ATL2: variants seen among roughly 807,000 people sequenced by gnomAD.
The protein encoded by ATL2 is atlastin-2.
In ATL2, 31 loss-of-function variants were observed where a neutral mutation model predicts 73.9. That is an observed-to-expected ratio of 0.42 (90% CI 0.32 to 0.57). The LOEUF is 0.57. ATL2 is among the 20% of genes least tolerant of loss of function. The pLI, the probability that ATL2 is intolerant of heterozygous loss-of-function variation, is 0.14. For synonymous variants in ATL2, 291 were observed against 237.5 expected (o/e 1.23, Z -2.07); for missense variants, 738 against 702.6 (o/e 1.05, Z -0.57).
chr2:38,359,822 G>A (rs1276374221), intron 1 of ATL2, among the ~76,000 whole-genome samples: 1 of 151,906 alleles, frequency 6.6e-6, no homozygotes, highest in Non-Finnish European at 1.5e-5. Context: ...ATATGTAAGT[G>A]TACTTAAAAA....
chr2:38,296,438 G>T, intron 12 of ATL2: 1 of 1,562,932 alleles, frequency 6.4e-7, no homozygotes, highest in Non-Finnish European at 8.7e-7. Context: ...TCCTACATGT[G>T]TAAGTGTGAA....
chr2:38,338,480 T>G (rs1458179922), intron 2 of ATL2, among the ~76,000 whole-genome samples: 1 of 152,162 alleles, frequency 6.6e-6, no homozygotes, highest in Non-Finnish European at 1.5e-5. Flanking sequence ...TTTTTTAAAG[T>G]AAACACTTTG....
intron 2 of ATL2, 83 bp from the exon 3 acceptor site, chr2:38,319,102 A>C: frequency 7.0e-7 from 1 of 1,430,218 alleles, no homozygotes; most frequent in Non-Finnish European, 9.6e-7. Flanking sequence ...TTTATTTTAC[A>C]GATGGGGAAG....
intron 2 of ATL2, among the ~76,000 whole-genome samples, chr2:38,339,773 C>T (rs1669597351): frequency 6.6e-6 from 1 of 152,166 alleles, no homozygotes. Flanking sequence ...TCACTGCAAC[C>T]TCCACCTCCC....
chr2:38,343,489 G>A lies in ATL2; in HGVS notation c.142C>T (p.Leu48=), dbSNP rs769814313. 26 of 1,604,700 alleles carry A rather than the reference G, an allele frequency of 1.6e-5. No individual in the cohort carries two copies. The Admixed American group carries it at 3.6e-4, about 22-fold the overall frequency. The change falls in exon 2 of 13, where the codon CTA becomes TTA. Residue 48 remains leucine (L), a synonymous_variant. Transcript: ENST00000378954. The part of the protein sequence containing the change: ...SLGENYEDDD[L]VNSDEVMKKP... ...TTCATAACCTCATCAGAATTTACTA[G>A]GTCATCATCTTCATAATTCTCACCT...
chr2:38,363,925 G>GCT lies in ATL2; in HGVS notation c.118+13216_118+13217dup, dbSNP rs556277459. Among the ~76,000 whole-genome samples the GCT allele has an allele frequency of 4.8e-4, 73 of 152,298 alleles. 1 individual carries two copies. The highest frequency in any genetic ancestry group is 1.7e-3 in the African/African-American group (71 of 41,572). On this transcript the variant is annotated intron_variant, in intron 1 of 12. Transcript: ENST00000378954. ...TATCAATAAAGACATTCTGAAGACG[G>GCT]CTGCACCTCTTAAGCCCTGAGGATC...
intron 2 of ATL2, among the ~76,000 whole-genome samples, chr2:38,340,127 A>C (rs1219574333): frequency 7.5e-6 from 1 of 133,816 alleles, no homozygotes; most frequent in Non-Finnish European, 1.6e-5. Flanking sequence ...AAAAACAGTG[A>C]AATGAACCTG....
chr2:38,309,530 CAT>C (rs758211956), intron 8 of ATL2, 24 bp from the exon 9 acceptor site: 1 of 1,593,896 alleles, frequency 6.3e-7, no homozygotes, highest in East Asian at 2.2e-5. Flanking sequence ...AATTGAGCAA[CAT>C]ATTAGTCCAA....
rs1482061864 is a variant in ATL2 at position 38,294,651 on chromosome 2, AAAGAG to A, written c.*1338_*1342del. Among the ~76,000 whole-genome samples the A allele has an allele frequency of 1.4e-3, 213 of 151,786 alleles. No individual in the cohort carries two copies. Among genetic ancestry groups the A allele is most frequent in the Admixed American group, 2.3e-3 (35 of 15,274 alleles). ...CTTACATATACCACCAAAAAAAAAAAAAGAGAGAGAAAGAAATTAACAATCCCCAT... is the reference window on the plus strand; with the variant it reads ...CTTACATATACCACCAAAAAAAAAAAAGAGAAAGAAATTAACAATCCCCAT... On this transcript the variant is annotated 3_prime_UTR_variant, in exon 13 of 13. Transcript: ENST00000378954.
chr2:38,349,009 A>G (rs1425598402), intron 1 of ATL2, among the ~76,000 whole-genome samples: 1 of 151,916 alleles, frequency 6.6e-6, no homozygotes, highest in East Asian at 1.9e-4. Flanking sequence ...CGATCATTAA[A>G]AAGTCAGGAA....
chr2:38,368,881 G>T (rs1236784396), intron 1 of ATL2, among the ~76,000 whole-genome samples: 1 of 152,000 alleles, frequency 6.6e-6, no homozygotes, highest in East Asian at 1.9e-4. Context: ...TTAACCCCAG[G>T]AGTTCGAGAC....
At chr2:38,309,304 T>C (rs1667616000) in intron 9 of ATL2, 75 bp downstream of exon 9, 2 of 1,386,268 alleles carry the variant, frequency 1.4e-6, no homozygotes, top group Non-Finnish European at 1.9e-6. Flanking sequence ...AGACAAGAAA[T>C]TTCTTATACA....
intron 2 of ATL2, among the ~76,000 whole-genome samples, chr2:38,323,349 G>GTTTTT (rs1229668962): frequency 5.3e-5 from 4 of 75,244 alleles, no homozygotes; most frequent in Admixed American, 1.6e-4. Context: ...ATCACCAGAA[G>GTTTTT]TTTTTTTTTT....
At chr2:38,311,822 T>TA (rs1667772599) in intron 7 of ATL2, among the ~76,000 whole-genome samples, 2 of 152,336 alleles carry the variant, frequency 1.3e-5, no homozygotes, top group African/African-American at 4.8e-5. Context: ...AATAAAAAGT[T>TA]TAAAAACTTT....
intron 1 of ATL2, among the ~76,000 whole-genome samples, chr2:38,365,401 T>C (rs1435741554): frequency 6.6e-6 from 1 of 152,108 alleles, no homozygotes; most frequent in East Asian, 1.9e-4. Context: ...ACACCTGTAA[T>C]CCCAGCACTT....
intron 12 of ATL2, chr2:38,296,831 TTTAA>T (rs1666921842): frequency 7.4e-7 from 1 of 1,357,660 alleles, no homozygotes; most frequent in East Asian, 2.5e-5. Flanking sequence ...GATTCTTCCA[TTTAA>T]TTGTTTTGTA....
intron 6 of ATL2, 38 bp from the exon 7 acceptor site, chr2:38,313,281 T>A (rs1667854323): frequency 1.4e-6 from 2 of 1,477,036 alleles, no homozygotes; most frequent in Non-Finnish European, 1.8e-6. Flanking sequence ...TATTTTACAA[T>A]AAAGAAAATT....
chr2:38,331,548 C>T (rs969699578), intron 2 of ATL2, among the ~76,000 whole-genome samples: 2 of 143,250 alleles, frequency 1.4e-5, no homozygotes, highest in African/African-American at 2.6e-5. Context: ...AGGCAGAGGT[C>T]GTTGCAGTAA....
Position 38,343,386 on chromosome 2 carries a change from T to G in ATL2, c.245A>C (p.Gln82Pro), listed in dbSNP as rs766986416. 3 of 1,612,754 alleles carry G rather than the reference T, an allele frequency of 1.9e-6. No individual in the cohort carries two copies. In the Admixed American group the frequency reaches 5.0e-5, roughly 27 times the overall value. ...TCGTATGTGCTCCTGTAGCAATATC[T>G]GCTCCAAAGCTTCTTCATCAAGTTC... ...NFELDEEALE[Q>P]ILLQEHIRDL... Residue 82 changes from glutamine (Q) to proline (P), a missense_variant, in exon 2 of 13, where the codon CAG becomes CCG. By Grantham distance (76) the Gln-to-Pro change is moderately conservative. Coordinates refer to ENST00000378954, the MANE Select transcript of ATL2 (RefSeq NM_001135673.4).
Sources: gnomAD v4.1 joint callset for allele counts (sites outside exome capture counted in the v4.1 genomes callset) on GRCh38, gnomAD v4.1.1 for gene constraint, MANE v1.5 for transcripts, NCBI Gene and HGNC (gene_info 2026-07-23, HGNC 2026-07-21) for gene names.